NOL4: variants seen among roughly 807,000 people sequenced by gnomAD.
The protein encoded by NOL4 is cancer/testis antigen 125.
In NOL4, 17 loss-of-function variants were observed where a neutral mutation model predicts 75.9. That is an observed-to-expected ratio of 0.22 (90% CI 0.15 to 0.34). The LOEUF is 0.34. NOL4 is among the 10% of genes least tolerant of loss of function. NOL4 has a pLI of 1.00. For missense variants in NOL4, 614 were observed against 793.5 expected, an observed-to-expected ratio of 0.77 and a Z score of 2.72; for synonymous variants, 292 against 289.9, an observed-to-expected ratio of 1.01 and a Z score of -0.07.
chr18:34,177,050 T>C (rs1201522756), intron 1 of NOL4, among the ~76,000 whole-genome samples: 1 of 151,860 alleles, frequency 6.6e-6, no homozygotes, highest in Non-Finnish European at 1.5e-5. Flanking sequence ...AATCCAAATG[T>C]GCAGCAACAG....
intron 2 of NOL4, among the ~76,000 whole-genome samples, chr18:34,125,372 G>C (rs1167246724): frequency 6.6e-6 from 1 of 152,096 alleles, no homozygotes; most frequent in Non-Finnish European, 1.5e-5. Context: ...GCACAAAGAG[G>C]CTACATGAAT....
At chr18:34,136,319 T>C (rs1440363830) in intron 1 of NOL4, among the ~76,000 whole-genome samples, 4 of 152,132 alleles carry the variant, frequency 2.6e-5, no homozygotes, top group African/African-American at 9.7e-5. Flanking sequence ...CTATTTAACA[T>C]CATACTGGTG....
chr18:33,975,555 C>T (rs967819811), intron 6 of NOL4, among the ~76,000 whole-genome samples: 14 of 152,144 alleles, frequency 9.2e-5, no homozygotes, highest in Non-Finnish European at 1.8e-4. Flanking sequence ...GGGCAGATCA[C>T]GAGGTCAGGA....
At chr18:34,110,880 G>A (rs2079554991) in intron 2 of NOL4, among the ~76,000 whole-genome samples, 1 of 151,884 alleles carries the variant, frequency 6.6e-6, no homozygotes, top group South Asian at 2.1e-4. Context: ...AATGTTTATA[G>A]ATAACAATGA....
chr18:34,012,733 G>A (rs1267913800), intron 6 of NOL4, among the ~76,000 whole-genome samples: 1 of 151,964 alleles, frequency 6.6e-6, no homozygotes, highest in South Asian at 2.1e-4. Context: ...TCTTTTCATG[G>A]TATAAAGTAA....
At chr18:33,868,826 G>C (rs1054121066) in intron 10 of NOL4, among the ~76,000 whole-genome samples, 4 of 151,718 alleles carry the variant, frequency 2.6e-5, no homozygotes, top group African/African-American at 4.8e-5. Context: ...AGCTCCTCTG[G>C]AATTGAGATT....
intron 1 of NOL4, among the ~76,000 whole-genome samples, chr18:34,164,984 C>T (rs983086274): frequency 4.6e-5 from 7 of 151,262 alleles, no homozygotes; most frequent in East Asian, 1.9e-4. Flanking sequence ...AGTAAACTAT[C>T]GCAAGGACAA....
chr18:34,158,212 C>A (rs529858660), intron 1 of NOL4, among the ~76,000 whole-genome samples: 1 of 152,200 alleles, frequency 6.6e-6, no homozygotes, highest in African/African-American at 2.4e-5. Flanking sequence ...AATTTGAGAG[C>A]AAGGGGTTGT....
intron 6 of NOL4, among the ~76,000 whole-genome samples, chr18:33,968,349 C>T (rs2070773864): frequency 6.6e-6 from 1 of 152,062 alleles, no homozygotes; most frequent in Admixed American, 6.6e-5. Context: ...CATCACAGGA[C>T]CATTCACAAT....
chr18:33,893,551 C>T (rs1455576698), intron 9 of NOL4, among the ~76,000 whole-genome samples: 2 of 152,092 alleles, frequency 1.3e-5, no homozygotes, highest in South Asian at 2.1e-4. Context: ...ATAAAAATTG[C>T]ATATAAAATG....
intron 1 of NOL4, among the ~76,000 whole-genome samples, chr18:34,156,874 C>A (rs935992937): frequency 6.6e-6 from 1 of 152,088 alleles, no homozygotes; most frequent in Admixed American, 6.6e-5. Context: ...CTCATCATGG[C>A]CCACAGAGTC....
chr18:34,171,990 G>A (rs967170269), intron 1 of NOL4, among the ~76,000 whole-genome samples: 1 of 152,012 alleles, frequency 6.6e-6, no homozygotes, highest in Admixed American at 6.6e-5. Context: ...AGCCTTGCCT[G>A]TACAAAAGAA....
At chr18:34,052,873 T>C (rs2076681987) in intron 5 of NOL4, among the ~76,000 whole-genome samples, 1 of 152,036 alleles carries the variant, frequency 6.6e-6, no homozygotes, top group African/African-American at 2.4e-5. Context: ...AGCAGTCCAA[T>C]GTTCCCAATG....
chr18:34,076,843 A>C (rs1236773768), intron 5 of NOL4, among the ~76,000 whole-genome samples: 1 of 152,240 alleles, frequency 6.6e-6, no homozygotes, highest in African/African-American at 2.4e-5. Flanking sequence ...AGTAACATTT[A>C]TAATAAAGTA....
At chr18:34,113,654 A>G (rs547002803) in intron 2 of NOL4, among the ~76,000 whole-genome samples, 174 of 152,092 alleles carry the variant, frequency 1.1e-3, no homozygotes, top group Non-Finnish European at 2.1e-3. Context: ...AAAAAAATTA[A>G]AACAGTGTCC....
chr18:34,138,573 T>G (rs2081000040), intron 1 of NOL4, among the ~76,000 whole-genome samples: 1 of 152,108 alleles, frequency 6.6e-6, no homozygotes, highest in South Asian at 2.1e-4. Context: ...CTAAAAATAT[T>G]GAATTATACA....
intron 8 of NOL4, among the ~76,000 whole-genome samples, chr18:33,945,544 A>G (rs550162830): frequency 1.3e-5 from 2 of 151,868 alleles, no homozygotes; most frequent in Admixed American, 6.6e-5. Flanking sequence ...TTCAGAAAAG[A>G]TGAAAGGGAG....
At chr18:33,922,946 T>C (rs554476090) in intron 9 of NOL4, among the ~76,000 whole-genome samples, 3 of 152,298 alleles carry the variant, frequency 2.0e-5, no homozygotes, top group South Asian at 2.1e-4. Flanking sequence ...TTTGTAATTA[T>C]TGAAATTCTG....
At chr18:33,922,278 G>A (rs1360831266) in intron 9 of NOL4, among the ~76,000 whole-genome samples, 2 of 152,150 alleles carry the variant, frequency 1.3e-5, no homozygotes, top group Non-Finnish European at 2.9e-5. Flanking sequence ...ATTCATATGT[G>A]TTAAATCTGC....
Sources: allele counts gnomAD v4.1 joint callset (sites outside exome capture counted in the v4.1 genomes callset), GRCh38; gene constraint gnomAD v4.1.1; transcripts MANE v1.5; gene names NCBI Gene and HGNC (gene_info 2026-07-23, HGNC 2026-07-21).